OSBPL10: variants seen among roughly 807,000 people sequenced by gnomAD.
OSBPL10 encodes the protein oxysterol-binding protein-related protein 10.
A neutral mutation model predicts 81.7 loss-of-function variants in OSBPL10; 49 were observed. The observed-to-expected ratio is 0.60, with a 90% CI of 0.48 to 0.76. The LOEUF (loss-of-function observed/expected upper bound fraction) is 0.76. OSBPL10 is among the 30% of genes least tolerant of loss of function. The probability of loss-of-function intolerance (pLI) is 0.00; values close to 1 mark genes in which losing one functional copy is unlikely to be tolerated. For missense variants in OSBPL10, 923 were observed against 987.8 expected (o/e 0.93, Z 0.88); for synonymous variants, 419 against 383.6 (o/e 1.09, Z -1.08).
intron 1 of OSBPL10, among the ~76,000 whole-genome samples, chr3:31,966,171 G>C: frequency 6.8e-6 from 1 of 147,110 alleles, no homozygotes; most frequent in Non-Finnish European, 1.5e-5. Context: ...GTGTGTGTGT[G>C]TGTGTGTGTG....
intron 4 of OSBPL10, among the ~76,000 whole-genome samples, chr3:31,754,058 T>C (rs1176455871): frequency 2.6e-5 from 4 of 152,208 alleles, no homozygotes; most frequent in Middle Eastern, 3.2e-3. Flanking sequence ...CTTCTCTCAA[T>C]GAGCTGCCGA....
chr3:31,909,980 GC>G (rs1284530404), intron 1 of OSBPL10, among the ~76,000 whole-genome samples: 4 of 143,308 alleles, frequency 2.8e-5, no homozygotes, highest in African/African-American at 1.1e-4. Flanking sequence ...TTGTCTCCTG[GC>G]CTTTTTTTTT....
chr3:31,796,845 T>C (rs1286969274), intron 4 of OSBPL10, among the ~76,000 whole-genome samples: 1 of 152,068 alleles, frequency 6.6e-6, no homozygotes, highest in African/African-American at 2.4e-5. Context: ...GTCAACTTCA[T>C]TCAGGATCTT....
intron 1 of OSBPL10, among the ~76,000 whole-genome samples, chr3:32,068,651 C>T (rs1270774797): frequency 6.6e-6 from 1 of 152,124 alleles, no homozygotes; most frequent in Non-Finnish European, 1.5e-5. Context: ...TTTGATTTCT[C>T]CATCCTACGA....
In OSBPL10 at chr3:31,733,350, T is replaced by C. The variant is rs1246371787; in HGVS notation, c.1002A>G (p.Thr334=). 6.2e-7 allele frequency: 1 copy of C among 1,613,842 alleles called. No homozygotes were observed. The highest frequency in any genetic ancestry group is 8.5e-7 in the Non-Finnish European group (1 of 1,179,986). Residue 334 remains threonine, a synonymous_variant, in exon 6 of 12, where the codon ACA becomes ACG. Transcript: ENST00000396556. ...SHSTEQLKNG[T]LGSLPSASAN... is the part of the protein sequence containing the mutation. ...CACTGGCTGATGGCAAAGAGCCAAGTGTCCCATTTTTCAGCTGCTCTGTGG... is the reference window on the plus strand; with the variant it reads ...CACTGGCTGATGGCAAAGAGCCAAGCGTCCCATTTTTCAGCTGCTCTGTGG...
chr3:32,040,131 G>T (rs1699559268), intron 2 of OSBPL10, among the ~76,000 whole-genome samples: 1 of 152,178 alleles, frequency 6.6e-6, no homozygotes, highest in African/African-American at 2.4e-5. Context: ...CAGAGGCCAG[G>T]CACGGTGGCT....
chr3:31,815,805 T>C (rs1289727524), intron 4 of OSBPL10, among the ~76,000 whole-genome samples: 1 of 152,180 alleles, frequency 6.6e-6, no homozygotes, highest in Non-Finnish European at 1.5e-5. Flanking sequence ...AGACATGAAC[T>C]CAGCCAACGT....
chr3:31,903,216 C>G (rs1281654035), intron 1 of OSBPL10, among the ~76,000 whole-genome samples: 6 of 152,112 alleles, frequency 3.9e-5, no homozygotes, highest in African/African-American at 1.4e-4. Context: ...ATGCCTTCAC[C>G]TCAAGGACCC....
chr3:31,951,387 A>G (rs1450825376), intron 1 of OSBPL10, among the ~76,000 whole-genome samples: 1 of 152,166 alleles, frequency 6.6e-6, no homozygotes, highest in Non-Finnish European at 1.5e-5. Flanking sequence ...AATATCTATT[A>G]TAAAAATACT....
Position 31,856,879 on chromosome 3 carries a change from C to A in OSBPL10, c.537+19554G>T, listed in dbSNP as rs573912994. On this transcript the variant is annotated intron_variant, in intron 3 of 11. Coordinates refer to ENST00000396556, the MANE Select transcript of OSBPL10 (RefSeq NM_017784.5). ...TCACTTGAGGCCAGGAGATCAAGAC[C>A]AGCCTGGCCAGCATGGTGAAACCCC... 5.3e-5 allele frequency among the ~76,000 whole-genome samples: 8 copies of A among 152,234 alleles called. No individual in the cohort carries two copies. The East Asian group carries it at 1.5e-3, about 29-fold the overall frequency.
intron 6 of OSBPL10, among the ~76,000 whole-genome samples, chr3:31,722,738 A>G (rs185653787): frequency 6.6e-6 from 1 of 152,272 alleles, no homozygotes; most frequent in East Asian, 1.9e-4. Context: ...AGATATTTGG[A>G]ATCTGAAACA....
chr3:31,788,765 G>A (rs1365037820), intron 4 of OSBPL10, among the ~76,000 whole-genome samples: 1 of 151,920 alleles, frequency 6.6e-6, no homozygotes, highest in Admixed American at 6.6e-5. Flanking sequence ...GCAACAAAGT[G>A]AGACCTTGCC....
chr3:31,692,692 A>G (rs1006114214), intron 7 of OSBPL10, among the ~76,000 whole-genome samples: 1 of 152,326 alleles, frequency 6.6e-6, no homozygotes, highest in African/African-American at 2.4e-5. Flanking sequence ...TGGGTTTCAC[A>G]CTCATTATCT....
chr3:31,847,485 A>G (rs4603994), intron 3 of OSBPL10, among the ~76,000 whole-genome samples: 112,251 of 151,960 alleles, frequency 0.74, 41,798 homozygotes, highest in East Asian at 0.87. Context: ...CACCACGCCC[A>G]GCCTATTACT....
intron 4 of OSBPL10, among the ~76,000 whole-genome samples, chr3:31,818,061 G>A (rs1038720218): frequency 3.9e-5 from 6 of 152,144 alleles, no homozygotes; most frequent in Non-Finnish European, 7.4e-5. Flanking sequence ...AGCCAGGATC[G>A]TGCCACTGCA....
chr3:31,712,935 C>T (rs1696308973), intron 6 of OSBPL10, among the ~76,000 whole-genome samples: 1 of 152,148 alleles, frequency 6.6e-6, no homozygotes, highest in African/African-American at 2.4e-5. Flanking sequence ...TGCTTACGCA[C>T]TGTTCCACAT....
In OSBPL10 at chr3:31,819,621, C is replaced by T. The variant is rs1305837513; in HGVS notation, c.729+10419G>A. The stretch of plus-strand genomic sequence containing the variant: ...GAGGGCGAGACAGCCATGGCCTTGG[C>T]AGCCACTGCCGCCCCAGCTCCCTGC... On this transcript the variant is annotated intron_variant, in intron 4 of 11. Transcript: ENST00000396556. 2.6e-5 allele frequency among the ~76,000 whole-genome samples: 4 copies of T among 152,202 alleles called. No homozygotes were observed. The East Asian group carries it at 7.7e-4, about 29-fold the overall frequency.
intron 4 of OSBPL10, among the ~76,000 whole-genome samples, chr3:31,769,466 A>C (rs1380327151): frequency 2.9e-5 from 3 of 102,042 alleles, no homozygotes; most frequent in Admixed American, 1.1e-4. Context: ...AAACAAAAAA[A>C]AAACAAAAAA....
rs570808253 is a variant in OSBPL10 at position 31,866,831 on chromosome 3, G to A, written c.537+9602C>T. ...TGTGCAATTATCATTCTAAGGGGAT[G>A]GGGAAAAAGAAAAAATCCAAAAGAC... On this transcript the variant is annotated intron_variant, in intron 3 of 11. Coordinates refer to ENST00000396556, the MANE Select transcript of OSBPL10 (RefSeq NM_017784.5). Among the ~76,000 whole-genome samples the A allele has an allele frequency of 8.5e-5, 13 of 152,106 alleles. No homozygotes were observed. In the South Asian group the frequency reaches 2.7e-3, roughly 32 times the overall value.
Sources: gnomAD v4.1 joint callset for allele counts (sites outside exome capture counted in the v4.1 genomes callset) on GRCh38, gnomAD v4.1.1 for gene constraint, MANE v1.5 for transcripts, NCBI Gene and HGNC (gene_info 2026-07-23, HGNC 2026-07-21) for gene names.